Variants in ERICH3 observed in about 807,000 individuals in gnomAD.
ERICH3 encodes the protein glutamate rich 3, also known as glutamate-rich protein 3.
Under a neutral mutation model 131.1 loss-of-function variants are expected in ERICH3, and 126 were observed. That is an observed-to-expected ratio of 0.96 (90% CI 0.83 to 1.11). ERICH3 has a LOEUF of 1.11. Among genes scored for constraint, ERICH3 ranks in the 50% most tolerant of loss-of-function variants. The pLI, the probability that ERICH3 is intolerant of heterozygous loss-of-function variation, is 0.00. For synonymous variants in ERICH3, 695 were observed against 644.6 expected, an observed-to-expected ratio of 1.08 and a Z score of -1.18; for missense variants, 2,050 against 1,810.7, an observed-to-expected ratio of 1.13 and a Z score of -2.40.
rs59892348 is a variant in ERICH3 at position 74,650,942 on chromosome 1, A to G, written c.24-1627T>C. On this transcript the variant is annotated intron_variant, in intron 1 of 14. Coordinates refer to ENST00000326665, the MANE Select transcript of ERICH3 (RefSeq NM_001002912.5). Reference sequence around the variant, plus strand: ...GAGGAAGACAGACAGAGATAGACAGAGGCAGAGTCAGGGAGAGGCAGAGAA... The same window carrying G: ...GAGGAAGACAGACAGAGATAGACAGGGGCAGAGTCAGGGAGAGGCAGAGAA... Among the ~76,000 whole-genome samples the G allele has an allele frequency of 3.7e-3, 557 of 152,118 alleles. 4 individuals are homozygous for G. The highest frequency in any genetic ancestry group is 0.013 in the African/African-American group (527 of 41,502).
rs955228914 is a variant in ERICH3, at chr1:74,631,848, G to A, written c.684C>T (p.Asn228=). 6.2e-7 allele frequency: 1 copy of A among 1,613,450 alleles called. No individual in the cohort carries two copies. The highest frequency in any genetic ancestry group is 8.5e-7 in the Non-Finnish European group (1 of 1,179,572). The change falls in exon 7 of 15, where the codon AAC becomes AAT. Residue 228 remains asparagine (N), a synonymous_variant. Transcript: ENST00000326665. ...RMNSYQLPNI[N]SYMMPIPPPL... Reference sequence around the variant, plus strand: ...GAGGAGGAATAGGCATCATGTAACTGTTAATGTTTGGAAGTTGATATGAAT... The same window carrying A: ...GAGGAGGAATAGGCATCATGTAACTATTAATGTTTGGAAGTTGATATGAAT...
intron 3 of ERICH3, among the ~76,000 whole-genome samples, chr1:74,645,889 T>A (rs1646478672): frequency 6.6e-6 from 1 of 152,108 alleles, no homozygotes; most frequent in South Asian, 2.1e-4. Context: ...CAGTTGTTCA[T>A]AAATGTTTAC....
chr1:74,637,086 C>A (rs1368538139), intron 5 of ERICH3, among the ~76,000 whole-genome samples: 1 of 152,182 alleles, frequency 6.6e-6, no homozygotes, highest in Non-Finnish European at 1.5e-5. Flanking sequence ...CCCTCTAGAT[C>A]TACCATTCAC....
chr1:74,627,310 A>C (rs976079224), intron 7 of ERICH3, among the ~76,000 whole-genome samples: 14 of 152,166 alleles, frequency 9.2e-5, no homozygotes, highest in African/African-American at 3.4e-4. Flanking sequence ...ATCACAAAGG[A>C]GTAGGACAAG....
rs763491354 is a variant in ERICH3 at position 74,599,722 on chromosome 1, C to T, written c.1699G>A (p.Glu567Lys). 4.0e-5 allele frequency: 64 copies of T among 1,611,412 alleles called. No homozygotes were observed. The highest frequency in any genetic ancestry group is 5.0e-5 in the Non-Finnish European group (59 of 1,178,638). The change falls in exon 11 of 15, where the codon GAG becomes AAG. Residue 567 changes from glutamate to lysine, a missense_variant. Physicochemically the swap from Glu to Lys is moderately conservative, Grantham distance 56. Coordinates refer to ENST00000326665, the MANE Select transcript of ERICH3 (RefSeq NM_001002912.5). The stretch of plus-strand genomic sequence containing the variant: ...TGTTTATCCTCTTCCAGTTCACTCT[C>T]AGAGCATCCATCATTCTCATCTTTC... ...NVKDENDGCS[E>K]SELEEDKQDM...
intron 7 of ERICH3, chr1:74,622,377 A>G (rs984904965): frequency 1.3e-5 from 2 of 152,250 alleles, no homozygotes; most frequent in Non-Finnish European, 2.9e-5. Flanking sequence ...AGCAAACTGG[A>G]TAATTTCTTG....
chr1:74,585,567 T>C (rs1292022213), intron 12 of ERICH3, among the ~76,000 whole-genome samples: 3 of 152,154 alleles, frequency 2.0e-5, no homozygotes, highest in African/African-American at 7.2e-5. Context: ...TAAAACATCA[T>C]TAATTGTATA....
At chr1:74,668,810 T>C (rs1319723952) in intron 1 of ERICH3, among the ~76,000 whole-genome samples, 1 of 152,200 alleles carries the variant, frequency 6.6e-6, no homozygotes, top group Non-Finnish European at 1.5e-5. Context: ...AATTTGTTAA[T>C]ATTTAACAGG....
Position 74,572,996 on chromosome 1 carries a change from G to T in ERICH3, c.2714C>A (p.Ala905Glu). ...GEQGLEKAVL[A>E]NEAAALNLEH... is the part of the protein sequence containing the mutation. ...CAAGTTCAGGGCTGCTGCTTCATTTGCAAGCACTGCCTTCTCTAAACCCTG... is the reference window on the plus strand; with the variant it reads ...CAAGTTCAGGGCTGCTGCTTCATTTTCAAGCACTGCCTTCTCTAAACCCTG... Residue 905 changes from alanine to glutamate, a missense_variant, in exon 14 of 15, where the codon GCA becomes GAA. By Grantham distance (107) the Ala-to-Glu change is moderately radical. Coordinates refer to ENST00000326665, the MANE Select transcript of ERICH3 (RefSeq NM_001002912.5). The T allele has an allele frequency of 6.2e-7, 1 of 1,614,080 alleles. No individual in the cohort carries two copies. The highest frequency in any genetic ancestry group is 8.5e-7 in the Non-Finnish European group (1 of 1,180,012).
intron 7 of ERICH3, chr1:74,624,304 A>G (rs1649340770): frequency 6.6e-6 from 1 of 152,226 alleles, no homozygotes; most frequent in African/African-American, 2.4e-5. Flanking sequence ...CAGCCTGACC[A>G]TAAAAAGTGG....
intron 5 of ERICH3, among the ~76,000 whole-genome samples, chr1:74,638,504 G>C (rs1646410756): frequency 6.6e-6 from 1 of 152,206 alleles, no homozygotes; most frequent in African/African-American, 2.4e-5. Flanking sequence ...AAGTGGATAA[G>C]CAGAGAAGAA....
intron 10 of ERICH3, among the ~76,000 whole-genome samples, chr1:74,600,779 A>T (rs937345159): frequency 6.6e-6 from 1 of 151,916 alleles, no homozygotes; most frequent in African/African-American, 2.4e-5. Flanking sequence ...AAGGATAGAG[A>T]GCAAAAGGAT....
At chr1:74,658,190 A>T (rs539263056) in intron 1 of ERICH3, among the ~76,000 whole-genome samples, 3 of 152,122 alleles carry the variant, frequency 2.0e-5, no homozygotes, top group Non-Finnish European at 4.4e-5. Flanking sequence ...ATAAAACTGA[A>T]TGTTCTCTAT....
intron 12 of ERICH3, among the ~76,000 whole-genome samples, chr1:74,581,847 C>A (rs1274519195): frequency 6.6e-6 from 1 of 152,092 alleles, no homozygotes; most frequent in African/African-American, 2.4e-5. Flanking sequence ...TGCAGATTTT[C>A]CTCAAAAACG....
intron 13 of ERICH3, among the ~76,000 whole-genome samples, chr1:74,574,552 G>A (rs1286433352): frequency 6.6e-6 from 1 of 152,176 alleles, no homozygotes; most frequent in African/African-American, 2.4e-5. Context: ...GTGTTCAGAA[G>A]CTAACTTGCC....
intron 1 of ERICH3, among the ~76,000 whole-genome samples, chr1:74,662,239 C>G (rs1398460033): frequency 1.3e-5 from 2 of 152,176 alleles, no homozygotes; most frequent in Non-Finnish European, 2.9e-5. Context: ...TTCGTCTTCA[C>G]ACACTGCAGC....
At chr1:74,579,393 T>C in intron 12 of ERICH3, 2 of 985,228 alleles carry the variant, frequency 2.0e-6, no homozygotes, top group Non-Finnish European at 2.4e-6. Context: ...CATCTGAAAA[T>C]TAAAACTCAC....
intron 1 of ERICH3, among the ~76,000 whole-genome samples, chr1:74,668,269 C>G (rs1372062692): frequency 6.6e-6 from 1 of 152,094 alleles, no homozygotes; most frequent in Non-Finnish European, 1.5e-5. Flanking sequence ...TGATTTCCAC[C>G]TACTTTTTTA....
chr1:74,671,027 T>A (rs699859), intron 1 of ERICH3, among the ~76,000 whole-genome samples: 103,798 of 151,510 alleles, frequency 0.69, 36,965 homozygotes, highest in East Asian at 0.97. Context: ...TGGGGGAAAA[T>A]CTCCGCCCTG....
Sources: allele counts gnomAD v4.1 joint callset (sites outside exome capture counted in the v4.1 genomes callset), GRCh38; gene constraint gnomAD v4.1.1; transcripts MANE v1.5; gene names NCBI Gene and HGNC (gene_info 2026-07-23, HGNC 2026-07-21).